Variants in PRMT2 observed in about 807,000 individuals in gnomAD.
PRMT2 encodes the protein protein arginine N-methyltransferase 2.
In PRMT2, 26 loss-of-function variants were observed where a neutral mutation model predicts 57.6. That is an observed-to-expected ratio of 0.45 (90% CI 0.33 to 0.63). PRMT2 has a LOEUF of 0.63. Among genes scored for constraint, PRMT2 ranks in the 20% least tolerant of loss-of-function variants. The pLI, the probability that PRMT2 is intolerant of heterozygous loss-of-function variation, is 0.02. For missense variants in PRMT2, 472 were observed against 564.4 expected (o/e 0.84, Z 1.66); for synonymous variants, 219 against 220.0 (o/e 1.00, Z 0.04).
At position 46,658,894 on chromosome 21, in the gene PRMT2, G is replaced by T. The variant is rs756310635; in HGVS notation, c.804G>T (p.Ala268=). 6.2e-7 allele frequency: 1 copy of T among 1,614,108 alleles called. No homozygotes were observed. The highest frequency in any genetic ancestry group is 1.7e-5 in the Admixed American group (1 of 60,014). ...GCAAGGTGCTCTTCTGGGACAACGC[G>T]TACGAGTTCAACCTCAGCGCTCTGA... ...YRSKVLFWDN[A]YEFNLSALKS... Residue 268 remains alanine (A), a synonymous_variant, in exon 8 of 12, where the codon GCG becomes GCT. Coordinates refer to ENST00000355680, the MANE Select transcript of PRMT2 (RefSeq NM_206962.4).
rs146609111 is a variant in PRMT2, at chr21:46,643,618, C to T, written c.123C>T (p.Tyr41=). The change falls in exon 4 of 12, where the codon TAC becomes TAT. Residue 41 remains tyrosine, a synonymous_variant. Transcript: ENST00000355680. ...QPEEFVAIAD[Y]AATDETQLSF... ...AGGAGTTTGTGGCCATCGCGGACTACGCTGCCACCGATGAGACCCAGGTAG... is the reference window on the plus strand; with the variant it reads ...AGGAGTTTGTGGCCATCGCGGACTATGCTGCCACCGATGAGACCCAGGTAG... 4.5e-4 allele frequency: 722 copies of T among 1,609,394 alleles called. No individual in the cohort carries two copies. Among genetic ancestry groups the T allele is most frequent in the Non-Finnish European group, 4.8e-4 (567 of 1,178,718 alleles).
chr21:46,664,261 A>C, intron 11 of PRMT2, 34 bp from the exon 12 acceptor site: 1 of 1,513,016 alleles, frequency 6.6e-7, no homozygotes, highest in Non-Finnish European at 9.2e-7. Flanking sequence ...ATGATTTATC[A>C]TCTGATTGAC....
Position 46,643,612 on chromosome 21 carries a change from G to A in PRMT2, c.117G>A (p.Ala39=), listed in dbSNP as rs535179106. 45 of 1,610,332 alleles carry A rather than the reference G, an allele frequency of 2.8e-5. No homozygotes were observed. In the South Asian group the frequency reaches 4.6e-4, roughly 17 times the overall value. The change falls in exon 4 of 12, where the codon GCG becomes GCA. Residue 39 remains alanine (A), a synonymous_variant. Coordinates refer to ENST00000355680, the MANE Select transcript of PRMT2 (RefSeq NM_206962.4). ...GVQPEEFVAI[A]DYAATDETQL... Reference sequence around the variant, plus strand: ...AGCCAGAGGAGTTTGTGGCCATCGCGGACTACGCTGCCACCGATGAGACCC... The same window carrying A: ...AGCCAGAGGAGTTTGTGGCCATCGCAGACTACGCTGCCACCGATGAGACCC...
intron 3 of PRMT2, among the ~76,000 whole-genome samples, chr21:46,642,013 C>CA (rs2061285630): frequency 6.6e-6 from 1 of 152,166 alleles, no homozygotes; most frequent in Non-Finnish European, 1.5e-5. Flanking sequence ...ATGGAAGTAA[C>CA]AACAGTGATT....
chr21:46,641,383 T>C (rs888951801), intron 3 of PRMT2, among the ~76,000 whole-genome samples: 2 of 152,200 alleles, frequency 1.3e-5, no homozygotes, highest in African/African-American at 4.8e-5. Context: ...CCAGAAGGTA[T>C]TGTGTAAGAA....
intron 5 of PRMT2, among the ~76,000 whole-genome samples, chr21:46,646,114 C>T (rs1473325706): frequency 6.6e-6 from 1 of 152,110 alleles, no homozygotes; most frequent in Non-Finnish European, 1.5e-5. Flanking sequence ...GTAGGGGAGG[C>T]TCTGGGACCA....
chr21:46,640,072 T>A (rs1052436798), intron 3 of PRMT2, among the ~76,000 whole-genome samples: 2 of 152,216 alleles, frequency 1.3e-5, no homozygotes, highest in Non-Finnish European at 2.9e-5. Flanking sequence ...GAAATTGCAG[T>A]ATGCATCCTA....
intron 3 of PRMT2, among the ~76,000 whole-genome samples, chr21:46,637,421 C>A (rs942360076): frequency 6.6e-6 from 1 of 152,084 alleles, no homozygotes. Context: ...GTAAAAAATA[C>A]CCCTCAAATT....
rs199822008 is a variant in PRMT2, at chr21:46,661,935, C to A, written c.1096C>A (p.Pro366Thr). 197 of 1,294,688 alleles carry A rather than the reference C, an allele frequency of 1.5e-4. No individual in the cohort carries two copies. Among genetic ancestry groups the A allele is most frequent in the Admixed American group, 2.3e-4 (8 of 34,180 alleles). 80.2% of individuals were successfully genotyped at this position (1,294,688 alleles called of 1,614,324 possible). A position where few individuals can be genotyped will look rare whatever the true frequency, so the allele number is the denominator to read the frequency against. Residue 366 changes from proline to threonine, a missense_variant and splice_region_variant, in exon 10 of 12, where the codon CCC (proline) becomes ACC (threonine). Pro to Thr is a conservative substitution (Grantham distance 38, BLOSUM62 -1). Coordinates refer to ENST00000355680, the MANE Select transcript of PRMT2 (RefSeq NM_206962.4). ...PQVLSTGPFH[P>T]TTHWKQTLFM... ...GGTGCTCAGCACCGGGCCCTTCCACCCGTGAGTGTGCGGGGCGCGGGCACG... is the reference window on the plus strand; with the variant it reads ...GGTGCTCAGCACCGGGCCCTTCCACACGTGAGTGTGCGGGGCGCGGGCACG...
At chr21:46,659,923 G>A (rs1003060770) in intron 8 of PRMT2, 4 of 985,322 alleles carry the variant, frequency 4.1e-6, no homozygotes, top group South Asian at 4.7e-5. Flanking sequence ...AGAATAAACC[G>A]TGTATACAGA....
intron 10 of PRMT2, among the ~76,000 whole-genome samples, chr21:46,662,601 TC>T (rs924906988): frequency 1.3e-5 from 2 of 152,046 alleles, no homozygotes; most frequent in African/African-American, 4.8e-5. Context: ...GTTATACCCA[TC>T]CCCGAGTCTG....
Position 46,661,827 on chromosome 21 carries a change from A to T in PRMT2, c.988A>T (p.Ile330Phe). The change falls in exon 10 of 12, where the codon ATC (isoleucine) becomes TTC (phenylalanine). Residue 330 changes from isoleucine (I) to phenylalanine (F), a missense_variant. This residue lies in a region of PRMT2 where 229 missense variants were observed against 217.2 expected (regional missense o/e 1.05). Transcript: ENST00000355680. ...ETLRGELRFDIRKAGTLHGFT... is the reference protein window; with the variant it reads ...ETLRGELRFDFRKAGTLHGFT... ...CCTGAGGGGCGAGCTGCGCTTCGAC[A>T]TCAGGAAGGCGGGGACCCTGCACGG... 6.7e-7 allele frequency: 1 copy of T among 1,491,072 alleles called. No individual in the cohort carries two copies. Among genetic ancestry groups the T allele is most frequent in the Non-Finnish European group, 9.0e-7 (1 of 1,113,676 alleles). 92.4% of individuals were successfully genotyped at this position (1,491,072 alleles called of 1,614,324 possible). A position where few individuals can be genotyped will look rare whatever the true frequency, so the allele number is the denominator to read the frequency against.
At chr21:46,646,800 C>A (rs1344037454) in intron 5 of PRMT2, among the ~76,000 whole-genome samples, 1 of 152,182 alleles carries the variant, frequency 6.6e-6, no homozygotes, top group Non-Finnish European at 1.5e-5. Context: ...GCTAATTATA[C>A]ACTTGGTCTG....
intron 8 of PRMT2, chr21:46,660,089 A>C (rs1263459953): frequency 2.1e-6 from 2 of 973,516 alleles, no homozygotes; most frequent in Admixed American, 1.2e-4. Context: ...TTTATCAGAA[A>C]AATAAATGTG....
chr21:46,657,387 A>AC (rs538256562), intron 7 of PRMT2: 1 of 151,152 alleles, frequency 6.6e-6, no homozygotes, highest in African/African-American at 2.4e-5. Flanking sequence ...AAAAAAAAAA[A>AC]AAACAAAACC....
rs2061578445 is a variant in PRMT2, at chr21:46,658,864, T to C, written c.774T>C (p.Tyr258=). The part of the protein sequence containing the change: ...HLVPCSADKD[Y]RSKVLFWDNA... ...TGCCCTGCAGTGCTGATAAGGATTA[T>C]CGTAGCAAGGTGCTCTTCTGGGACA... The change falls in exon 8 of 12, where the codon TAT becomes TAC. Residue 258 remains tyrosine, a synonymous_variant. Coordinates refer to ENST00000355680, the MANE Select transcript of PRMT2 (RefSeq NM_206962.4). The C allele has an allele frequency of 6.2e-7, 1 of 1,614,210 alleles. No homozygotes were observed. The highest frequency in any genetic ancestry group is 8.5e-7 in the Non-Finnish European group (1 of 1,180,040).
At position 46,658,760 on chromosome 21, in the gene PRMT2, G is replaced by A. The variant is rs751617236; in HGVS notation, c.670G>A (p.Glu224Lys). 3.7e-6 allele frequency: 6 copies of A among 1,614,080 alleles called. No homozygotes were observed. The highest frequency in any genetic ancestry group is 2.2e-5 in the East Asian group (1 of 44,886). ...TCCTATGCAGTTTGAGTTCATGATCGAGTCCATCCTGTATGCCCGGGATGC... is the reference window on the plus strand; with the variant it reads ...TCCTATGCAGTTTGAGTTCATGATCAAGTCCATCCTGTATGCCCGGGATGC... Reference protein sequence around the residue: ...GTCLLFEFMIESILYARDAWL... With the variant: ...GTCLLFEFMIKSILYARDAWL... The change falls in exon 8 of 12, where the codon GAG becomes AAG. Residue 224 changes from glutamate (E) to lysine (K), a missense_variant. By Grantham distance (56) the Glu-to-Lys change is moderately conservative. This residue lies in a region of PRMT2 where 243 missense variants were observed against 347.2 expected (regional missense o/e 0.70). Transcript: ENST00000355680.
rs1158990935 is a variant in PRMT2, at chr21:46,649,062, C to A, written c.489+443C>A. Among the ~76,000 whole-genome samples the A allele has an allele frequency of 1.3e-5, 2 of 152,076 alleles. No homozygotes were observed. Among genetic ancestry groups the A allele is most frequent in the Non-Finnish European group, 2.9e-5 (2 of 68,026 alleles). On this transcript the variant is annotated intron_variant, in intron 6 of 11. Transcript: ENST00000355680. This position sits in a 1 kb window ranked among gnomAD's most constrained non-coding sequence, Gnocchi z 4.8. ...CCGTCTATACTGTGCTGAGCTGAGC[C>A]GAGCTGCAGCCTTGGAGACTCCTTA... is the stretch of plus-strand genomic sequence containing the variant.
At chr21:46,651,388 T>C (rs2061448609) in intron 7 of PRMT2, among the ~76,000 whole-genome samples, 1 of 149,550 alleles carries the variant, frequency 6.7e-6, no homozygotes, top group African/African-American at 2.5e-5. Flanking sequence ...GTCTTGAACA[T>C]AGGATGCCCA....
Sources: allele counts gnomAD v4.1 joint callset (sites outside exome capture counted in the v4.1 genomes callset), GRCh38; gene constraint gnomAD v4.1.1; regional missense constraint gnomAD v4.1.1; non-coding constraint Gnocchi (gnomAD v3.1); transcripts MANE v1.5; gene names NCBI Gene and HGNC (gene_info 2026-07-23, HGNC 2026-07-21).